Variants in SPRY3 observed in about 807,000 individuals in gnomAD.
The protein encoded by SPRY3 is protein sprouty homolog 3.
SPRY3 carries 15 observed loss-of-function variants against 20.2 expected under a neutral mutation model. The ratio of observed to expected loss-of-function variants is 0.74; its 90% CI spans 0.50 to 1.14. The LOEUF (loss-of-function observed/expected upper bound fraction) is 1.14. Among genes scored for constraint, SPRY3 ranks in the 50% most tolerant of loss-of-function variants. The pLI, the probability that SPRY3 is intolerant of heterozygous loss-of-function variation, is 0.00. For synonymous variants in SPRY3, 143 were observed against 136.5 expected (o/e 1.05, Z -0.33); for missense variants, 364 against 363.9 (o/e 1.00, Z 0.00).
chrX:155,753,633 C>T (rs1025949152), intron 2 of SPRY3, among the ~76,000 whole-genome samples: 4 of 151,922 alleles, frequency 2.6e-5, no homozygotes, highest in South Asian at 4.2e-4. Context: ...TCATGTTTAA[C>T]ATTTCAAGAA....
At chrX:155,728,534 C>T (rs899311076) in intron 2 of SPRY3, among the ~76,000 whole-genome samples, 2 of 152,220 alleles carry the variant, frequency 1.3e-5, no homozygotes, top group Admixed American at 6.5e-5. Flanking sequence ...GCCCCTCCCC[C>T]TCCAGGCTGC....
chrX:155,745,234 C>A (rs767386489), intron 2 of SPRY3, among the ~76,000 whole-genome samples: 33 of 152,170 alleles, frequency 2.2e-4, no homozygotes, highest in Non-Finnish European at 4.3e-4. Context: ...AGTTGGTGTT[C>A]CATAGATGCT....
At chrX:155,692,259 ATTTT>A (rs201921911) in intron 2 of SPRY3, among the ~76,000 whole-genome samples, 1 of 109,243 alleles carries the variant, frequency 9.2e-6, no homozygotes, top group Admixed American at 9.8e-5. Flanking sequence ...GTCAATGTTC[ATTTT>A]TTTTTCCATG....
At chrX:155,773,674 G>C (rs1440468941) in intron 3 of SPRY3, 92 bp from the exon 3 acceptor site, 1 of 616,842 alleles carries the variant, frequency 1.6e-6, no homozygotes, top group African/African-American at 1.8e-5. Flanking sequence ...ATTGAAGGTA[G>C]TGGTGGTGAT....
chrX:155,678,944 C>G (rs1250109776), intron 2 of SPRY3, among the ~76,000 whole-genome samples: 1 of 111,722 alleles, frequency 9.0e-6, no homozygotes, highest in Non-Finnish European at 1.9e-5. Context: ...CAGGCACCTT[C>G]ATGTCTTAAG....
chrX:155,721,082 A>G, intron 2 of SPRY3, among the ~76,000 whole-genome samples: 2 of 152,316 alleles, frequency 1.3e-5, no homozygotes, highest in South Asian at 4.2e-4. Flanking sequence ...GATAAACTTA[A>G]CACAGATATT....
intron 1 of SPRY3, among the ~76,000 whole-genome samples, chrX:155,649,044 A>G (rs1481117525): frequency 2.7e-5 from 3 of 111,808 alleles, no homozygotes; most frequent in Non-Finnish European, 5.7e-5. Context: ...TCCTGAACAC[A>G]TACACCTTCC....
At chrX:155,780,539 T>C (rs2091457131), downstream of SPRY3, 1 of 167,008 alleles carries the variant, frequency 6.0e-6, no homozygotes, top group South Asian at 2.1e-4. Flanking sequence ...GTTATTCATA[T>C]ATGCATTTCT....
intron 2 of SPRY3, among the ~76,000 whole-genome samples, chrX:155,691,507 A>C (rs1157311644): frequency 1.1e-5 from 1 of 88,570 alleles, no homozygotes; most frequent in Non-Finnish European, 2.1e-5. Context: ...AGTTCTGTTT[A>C]GAAATAATTC....
At chrX:155,752,436 G>A (rs1178854778) in intron 2 of SPRY3, among the ~76,000 whole-genome samples, 2 of 151,482 alleles carry the variant, frequency 1.3e-5, no homozygotes, top group African/African-American at 4.8e-5. Context: ...TGCAAAGCAT[G>A]GAGTATTATA....
chrX:155,693,966 C>A (rs1459683241), intron 2 of SPRY3, among the ~76,000 whole-genome samples: 2 of 111,372 alleles, frequency 1.8e-5, no homozygotes, highest in Non-Finnish European at 3.8e-5. Context: ...ACCACCACAC[C>A]TGGCTAATTT....
rs759537402 is a variant in SPRY3 at position 155,717,098 on chromosome X, G to T, written c.-281-50864G>T. ...TGCTTGAACCCGGGAAGCAGAGGTT[G>T]CAGTGAGCCGAGATCACACCACTGC... On this transcript the variant is annotated intron_variant, in intron 2 of 3. Transcript: ENST00000675360. Among the ~76,000 whole-genome samples, 3 of 146,160 alleles carry T rather than the reference G, an allele frequency of 2.1e-5. No homozygotes were observed. The East Asian group carries it at 6.0e-4, about 29-fold the overall frequency.
chrX:155,774,065 G>A, exon 4 of SPRY3: 1 of 1,613,916 alleles, frequency 6.2e-7, no homozygotes, highest in Non-Finnish European at 8.5e-7. Context: ...CTCCCCCGCA[G>A]TCTCAGCCAG....
At chrX:155,771,443 C>T (rs1158302551) in intron 3 of SPRY3, among the ~76,000 whole-genome samples, 3 of 152,082 alleles carry the variant, frequency 2.0e-5, no homozygotes, top group African/African-American at 7.2e-5. Context: ...TTATTGCTTC[C>T]TGGAATTTTC....
intron 2 of SPRY3, among the ~76,000 whole-genome samples, chrX:155,676,104 A>G (rs782102303): frequency 5.4e-5 from 6 of 110,689 alleles, no homozygotes; most frequent in Non-Finnish European, 1.1e-4. Context: ...TCTAGGCTCT[A>G]TTTTAGAGTG....
chrX:155,733,362 T>C (rs1320717868), intron 2 of SPRY3, among the ~76,000 whole-genome samples: 2 of 144,212 alleles, frequency 1.4e-5, no homozygotes, highest in Non-Finnish European at 3.0e-5. Flanking sequence ...TACATATATG[T>C]ATAATGTATA....
chrX:155,670,692 A>G (rs2068037552), intron 2 of SPRY3, among the ~76,000 whole-genome samples: 1 of 112,028 alleles, frequency 8.9e-6, no homozygotes, highest in Non-Finnish European at 1.9e-5. Flanking sequence ...TTGTTTTAAA[A>G]TTATCCTATA....
chrX:155,748,134 T>C (rs1034450110), intron 2 of SPRY3, among the ~76,000 whole-genome samples: 2 of 151,822 alleles, frequency 1.3e-5, no homozygotes, highest in Non-Finnish European at 2.9e-5. Context: ...ATGGTTCAAG[T>C]GACATGCTAG....
intron 2 of SPRY3, among the ~76,000 whole-genome samples, chrX:155,749,684 T>C (rs2091250232): frequency 6.6e-6 from 1 of 151,744 alleles, no homozygotes; most frequent in South Asian, 2.1e-4. Flanking sequence ...ATATAGGACC[T>C]TGTAGACTAT....
Sources: allele counts gnomAD v4.1 joint callset (sites outside exome capture counted in the v4.1 genomes callset), GRCh38; gene constraint gnomAD v4.1.1; transcripts MANE v1.5; gene names NCBI Gene and HGNC (gene_info 2026-07-23, HGNC 2026-07-21).